ACOT12: variants seen among roughly 807,000 people sequenced by gnomAD.
The protein encoded by ACOT12 is acetyl-coenzyme A thioesterase.
A neutral mutation model predicts 67.7 loss-of-function variants in ACOT12; 51 were observed. The ratio of observed to expected loss-of-function variants is 0.75; its 90% CI spans 0.60 to 0.95. ACOT12 has a LOEUF of 0.95. Ranked by LOEUF, ACOT12 falls within the 40% of genes least tolerant of loss-of-function variation. ACOT12 has a pLI of 0.00. For missense variants in ACOT12, 734 were observed against 708.1 expected (o/e 1.04, Z -0.41); for synonymous variants, 251 against 244.6 (o/e 1.03, Z -0.24).
rs148010089 is a variant in ACOT12 at position 81,360,147 on chromosome 5, T to C, written c.361-109A>G. The C allele has an allele frequency of 1.7e-4, 193 of 1,132,638 alleles. No individual in the cohort carries two copies. In the African/African-American group the frequency reaches 2.5e-3, roughly 14 times the overall value. The allele number at this position is 1,132,638 out of a possible 1,614,324, so 70.2% of individuals were successfully genotyped here. ...TACATGGTTTTCTAACTCAAGTAAA[T>C]AGAGCTTTTATGAGTGTTTTCACTA... On this transcript the variant is annotated intron_variant, in intron 4 of 14. Transcript: ENST00000307624.
intron 4 of ACOT12, among the ~76,000 whole-genome samples, chr5:81,362,843 C>CTGATA (rs2153854921): frequency 6.6e-6 from 1 of 152,304 alleles, no homozygotes; most frequent in East Asian, 1.9e-4. Flanking sequence ...ATAGAATTAG[C>CTGATA]TGATATGAAC....
intron 4 of ACOT12, among the ~76,000 whole-genome samples, chr5:81,362,163 CTTTTTTT>C (rs529301882): frequency 3.0e-5 from 4 of 131,638 alleles, no homozygotes; most frequent in Admixed American, 7.8e-5. Context: ...CTATTATATT[CTTTTTTT>C]TTTTTTTTTT....
Position 81,345,129 on chromosome 5 carries a change from G to A in ACOT12, c.774-88C>T, listed in dbSNP as rs528248486. ...CACCGCTGCCACCTCCTCGCCCACC[G>A]CTGCCACCTCCTCTAAGCAACAGGA... On this transcript the variant is annotated intron_variant, in intron 7 of 14. Coordinates refer to ENST00000307624, the MANE Select transcript of ACOT12 (RefSeq NM_130767.3). 1,086 of 940,356 alleles carry A rather than the reference G, an allele frequency of 1.2e-3. 11 individuals are homozygous for A. In the African/African-American group the frequency reaches 0.023, roughly 20 times the overall value. 58.3% of individuals were successfully genotyped at this position (940,356 alleles called of 1,614,324 possible).
At chr5:81,347,712 G>A (rs1474338398) in intron 6 of ACOT12, 62 bp downstream of exon 6, 1 of 1,558,310 alleles carries the variant, frequency 6.4e-7, no homozygotes, top group Non-Finnish European at 8.7e-7. Flanking sequence ...CTGGATCTCA[G>A]TCCCTTTCTA....
the ACOT12 span, chr5:81,308,840 T>G: frequency 1.4e-6 from 2 of 1,384,004 alleles, no homozygotes; most frequent in South Asian, 3.1e-5. Flanking sequence ...AGATTAAATT[T>G]TAAGTTATGT....
At chr5:81,388,112 C>T (rs1760777330) in intron 1 of ACOT12, among the ~76,000 whole-genome samples, 2 of 151,996 alleles carry the variant, frequency 1.3e-5, no homozygotes. Context: ...AAAATTTAGG[C>T]TTAGAAAGAT....
At position 81,354,704 on chromosome 5, in the gene ACOT12, C is replaced by CTT. The variant is rs68032491; in HGVS notation, c.496+5197_496+5198dup. 3.7e-3 allele frequency among the ~76,000 whole-genome samples: 549 copies of CTT among 148,528 alleles called. 1 individual carries two copies. Among genetic ancestry groups the CTT allele is most frequent in the African/African-American group, 0.012 (492 of 40,502 alleles). On this transcript the variant is annotated intron_variant, in intron 5 of 14. Coordinates refer to ENST00000307624, the MANE Select transcript of ACOT12 (RefSeq NM_130767.3). Reference sequence around the variant, plus strand: ...CAATAATTATTTTTATCAATTATGTCTTTTTTTTTTTATTTTTGAGTCAGA... The same window carrying CTT: ...CAATAATTATTTTTATCAATTATGTCTTTTTTTTTTTTTATTTTTGAGTCAGA...
chr5:81,389,334 G>A lies in ACOT12; in HGVS notation c.128-3508C>T, dbSNP rs375056742. On this transcript the variant is annotated intron_variant, in intron 1 of 14. Transcript: ENST00000307624. ...AGGGCCTTGAAGCTCTTGGTTCAAA[G>A]TTTTTGTAATTATTATTCTTCAAGA... Among the ~76,000 whole-genome samples, 6 of 152,234 alleles carry A rather than the reference G, an allele frequency of 3.9e-5. No homozygotes were observed. In the South Asian group the frequency reaches 6.2e-4, roughly 16 times the overall value.
the ACOT12 span, among the ~76,000 whole-genome samples, chr5:81,310,683 G>C: frequency 6.6e-6 from 1 of 152,176 alleles, no homozygotes; most frequent in African/African-American, 2.4e-5. Context: ...CATTTTTATA[G>C]GGTTAGGGTG....
At chr5:81,379,058 T>C (rs866915468) in intron 2 of ACOT12, among the ~76,000 whole-genome samples, 54 of 152,240 alleles carry the variant, frequency 3.5e-4, no homozygotes, top group African/African-American at 1.3e-3. Context: ...CTGTTCACAA[T>C]AGCAAAGACT....
rs1759284577 is a variant in ACOT12 at position 81,343,875 on chromosome 5, A to T, written c.987T>A (p.Tyr329Ter). The change falls in exon 10 of 15, where the codon TAT becomes TAA. Residue 329 changes from tyrosine (Y) to a stop codon, truncating the protein, a stop_gained. Coordinates refer to ENST00000307624, the MANE Select transcript of ACOT12 (RefSeq NM_130767.3). LOFTEE classifies it high-confidence loss of function. ...ARKRIRLGRK[Y>*]VISHKEEVPL... is the part of the protein sequence containing the mutation. ...GAACCTCTTCTTTGTGGGAAATAACATATTTTCTGGAAAAAAAAATTAAAG... is the reference window on the plus strand; with the variant it reads ...GAACCTCTTCTTTGTGGGAAATAACTTATTTTCTGGAAAAAAAAATTAAAG... 1 of 1,613,030 alleles carries T rather than the reference A, an allele frequency of 6.2e-7. No individual in the cohort carries two copies. Among genetic ancestry groups the T allele is most frequent in the African/African-American group, 1.3e-5 (1 of 74,838 alleles).
chr5:81,364,049 A>G (rs549897535), intron 3 of ACOT12, among the ~76,000 whole-genome samples, 160 bp from the exon 4 acceptor site: 6 of 152,208 alleles, frequency 3.9e-5, no homozygotes, highest in Admixed American at 6.5e-5. Context: ...ATGATGTTCT[A>G]TAACACTGGA....
chr5:81,353,110 C>A (rs1759604054), intron 5 of ACOT12, among the ~76,000 whole-genome samples: 2 of 152,218 alleles, frequency 1.3e-5, no homozygotes, highest in South Asian at 4.2e-4. Flanking sequence ...TGAGGGATAA[C>A]TTTAAAGAGA....
At chr5:81,374,774 A>AT (rs1760359282) in intron 2 of ACOT12, among the ~76,000 whole-genome samples, 1 of 152,202 alleles carries the variant, frequency 6.6e-6, no homozygotes, top group Non-Finnish European at 1.5e-5. Context: ...AAATAAAGTG[A>AT]GAAACAAGAT....
intron 1 of ACOT12, among the ~76,000 whole-genome samples, chr5:81,386,377 C>T (rs1760725853): frequency 6.6e-6 from 1 of 152,110 alleles, no homozygotes; most frequent in Non-Finnish European, 1.5e-5. Context: ...TTTATTATTA[C>T]CAAATTTATG....
the ACOT12 span, chr5:81,308,762 T>A: frequency 6.4e-7 from 1 of 1,570,524 alleles, no homozygotes; most frequent in Non-Finnish European, 8.6e-7. Flanking sequence ...AGCCAATAAA[T>A]AGCACCTTGG....
intron 11 of ACOT12, among the ~76,000 whole-genome samples, chr5:81,340,668 T>C (rs939956742): frequency 2.0e-5 from 3 of 152,204 alleles, no homozygotes; most frequent in African/African-American, 4.8e-5. Context: ...CCCAAAAGTA[T>C]GATTCTTAAC....
At chr5:81,357,374 A>G (rs1759748766) in intron 5 of ACOT12, among the ~76,000 whole-genome samples, 2 of 152,184 alleles carry the variant, frequency 1.3e-5, no homozygotes, top group South Asian at 4.1e-4. Flanking sequence ...CTGGCACATG[A>G]CAGGCGTTTC....
chr5:81,382,855 C>T (rs1290714521), intron 2 of ACOT12, among the ~76,000 whole-genome samples: 1 of 151,288 alleles, frequency 6.6e-6, no homozygotes, highest in Non-Finnish European at 1.5e-5. Context: ...ACATCAAGTA[C>T]ATGAAAATCC....
Sources: allele counts gnomAD v4.1 joint callset (sites outside exome capture counted in the v4.1 genomes callset), GRCh38; gene constraint gnomAD v4.1.1; transcripts MANE v1.5; gene names NCBI Gene and HGNC (gene_info 2026-07-23, HGNC 2026-07-21).